The following CYP39A1 variants were observed in gnomAD, a reference collection of about 807,000 sequenced individuals.
CYP39A1 encodes the protein 24-hydroxycholesterol 7-alpha-hydroxylase.
CYP39A1 carries 49 observed loss-of-function variants against 58.1 expected under a neutral mutation model. That is an observed-to-expected ratio of 0.84 (90% CI 0.67 to 1.07). The LOEUF is 1.07. Ranked by LOEUF, CYP39A1 falls within the 50% of genes least tolerant of loss-of-function variation. The probability of loss-of-function intolerance (pLI) is 0.00; values close to 1 mark genes in which losing one functional copy is unlikely to be tolerated. For missense variants in CYP39A1, 531 were observed against 539.4 expected (o/e 0.98, Z 0.16); for synonymous variants, 209 against 187.6 (o/e 1.11, Z -0.93).
At chr6:46,635,202 G>T (rs1775906856) in intron 5 of CYP39A1, among the ~76,000 whole-genome samples, 1 of 152,212 alleles carries the variant, frequency 6.6e-6, no homozygotes, top group East Asian at 1.9e-4. Context: ...AATGTTTGAA[G>T]AGTTTTTTTA....
At chr6:46,634,014 T>G (rs1008381110) in intron 5 of CYP39A1, among the ~76,000 whole-genome samples, 2 of 152,252 alleles carry the variant, frequency 1.3e-5, no homozygotes, top group Non-Finnish European at 2.9e-5. Context: ...TTTTAAACAC[T>G]GGATTAGCTT....
chr6:46,638,217 A>G (rs1033432467), intron 3 of CYP39A1, among the ~76,000 whole-genome samples: 1 of 152,242 alleles, frequency 6.6e-6, no homozygotes, highest in African/African-American at 2.4e-5. Context: ...CTTTCTAAAC[A>G]AGCTTATTAG....
chr6:46,616,522 C>G (rs1774618978), intron 7 of CYP39A1, among the ~76,000 whole-genome samples: 2 of 151,930 alleles, frequency 1.3e-5, no homozygotes, highest in Admixed American at 1.3e-4. Context: ...CATGAGCCAT[C>G]ATGCCCACCC....
intron 7 of CYP39A1, among the ~76,000 whole-genome samples, chr6:46,622,415 G>A (rs1157174047): frequency 3.9e-5 from 6 of 151,914 alleles, no homozygotes; most frequent in African/African-American, 9.7e-5. Context: ...ATGACAACCT[G>A]AGAACGCACT....
chr6:46,580,622 T>C (rs1772080031), intron 10 of CYP39A1, among the ~76,000 whole-genome samples: 1 of 151,926 alleles, frequency 6.6e-6, no homozygotes, highest in South Asian at 2.1e-4. Context: ...AGGTCTAATA[T>C]CCAGAATCTG....
Position 46,553,639 on chromosome 6 carries a change from C to A in CYP39A1, c.1338+128G>T, listed in dbSNP as rs528138337. 14 of 682,864 alleles carry A rather than the reference C, an allele frequency of 2.1e-5. No individual in the cohort carries two copies. In the East Asian group the frequency reaches 3.8e-4, roughly 19 times the overall value. The allele number at this position is 682,864 out of a possible 1,614,324, so 42.3% of individuals were successfully genotyped here. A position where few individuals can be genotyped will look rare whatever the true frequency, so the allele number is the denominator to read the frequency against. On this transcript the variant is annotated intron_variant, in intron 11 of 11. Coordinates refer to ENST00000275016, the MANE Select transcript of CYP39A1 (RefSeq NM_016593.5). ...CTTCTCAGTCTGGTTCAATCTAAGG[C>A]ACCTGTTAAGATCAGGCCTAAGTGA...
At chr6:46,574,822 T>C (rs1324912047) in intron 10 of CYP39A1, among the ~76,000 whole-genome samples, 1 of 151,872 alleles carries the variant, frequency 6.6e-6, no homozygotes, top group African/African-American at 2.4e-5. Context: ...TTGGTCTAAG[T>C]ATCAAAAATC....
chr6:46,593,129 T>G (rs1425265520), intron 8 of CYP39A1, among the ~76,000 whole-genome samples: 4 of 152,294 alleles, frequency 2.6e-5, no homozygotes, highest in Non-Finnish European at 4.4e-5. Flanking sequence ...ATGACAGATT[T>G]ACACTATGCT....
intron 6 of CYP39A1, among the ~76,000 whole-genome samples, chr6:46,627,610 G>A (rs1281950576): frequency 7.9e-5 from 12 of 151,932 alleles, no homozygotes; most frequent in Admixed American, 7.9e-4. Flanking sequence ...AGTAGAGACA[G>A]GGTTTCACCG....
At chr6:46,554,068 A>ATATAAAGT (rs1307405766) in intron 10 of CYP39A1, among the ~76,000 whole-genome samples, 1 of 152,238 alleles carries the variant, frequency 6.6e-6, no homozygotes, top group Non-Finnish European at 1.5e-5. Flanking sequence ...TTTAAAATGT[A>ATATAAAGT]TATAAAGTGC....
chr6:46,579,918 C>T lies in CYP39A1; in HGVS notation c.1250+7159G>A, dbSNP rs574054954. Among the ~76,000 whole-genome samples, 109 of 152,098 alleles carry T rather than the reference C, an allele frequency of 7.2e-4. 1 individual carries two copies. In the South Asian group the frequency reaches 0.019, roughly 26 times the overall value. Reference sequence around the variant, plus strand: ...ATAGGAAGAATCAATATTGTTAAAACGGTCATACTGCACAAGGAATTTAAA... The same window carrying T: ...ATAGGAAGAATCAATATTGTTAAAATGGTCATACTGCACAAGGAATTTAAA... On this transcript the variant is annotated intron_variant, in intron 10 of 11. Coordinates refer to ENST00000275016, the MANE Select transcript of CYP39A1 (RefSeq NM_016593.5).
intron 10 of CYP39A1, 75 bp from the exon 11 acceptor site, chr6:46,553,929 A>G (rs1770540961): frequency 5.4e-6 from 5 of 934,306 alleles, no homozygotes; most frequent in African/African-American, 1.7e-5. Context: ...ATATCTAGAA[A>G]GCATACATAT....
intron 10 of CYP39A1, among the ~76,000 whole-genome samples, chr6:46,559,021 G>C (rs1308936166): frequency 1.3e-5 from 2 of 151,298 alleles, no homozygotes; most frequent in Non-Finnish European, 2.9e-5. Context: ...AAAAGGTGAT[G>C]GTCTTTGGGA....
intron 7 of CYP39A1, among the ~76,000 whole-genome samples, chr6:46,610,417 C>G (rs1436305289): frequency 6.6e-6 from 1 of 152,188 alleles, no homozygotes; most frequent in African/African-American, 2.4e-5. Context: ...TCATAAATCA[C>G]TGCAGCCTCG....
chr6:46,594,667 A>T (rs1341887993), intron 8 of CYP39A1, among the ~76,000 whole-genome samples: 1 of 152,042 alleles, frequency 6.6e-6, no homozygotes, highest in African/African-American at 2.4e-5. Flanking sequence ...ACTGTAATAG[A>T]TTAAAGACTT....
At chr6:46,619,920 G>A (rs1005178610) in intron 7 of CYP39A1, among the ~76,000 whole-genome samples, 60 of 152,060 alleles carry the variant, frequency 3.9e-4, no homozygotes, top group Admixed American at 2.3e-3. Context: ...AAGCCTGGGA[G>A]GTTTTCCAAA....
chr6:46,589,472 T>A (rs1163207822), intron 8 of CYP39A1, among the ~76,000 whole-genome samples: 1 of 151,818 alleles, frequency 6.6e-6, no homozygotes, highest in African/African-American at 2.4e-5. Flanking sequence ...TAAAAATATG[T>A]CTTTTACTGG....
intron 10 of CYP39A1, among the ~76,000 whole-genome samples, chr6:46,554,292 T>C (rs1167813017): frequency 1.3e-5 from 2 of 152,242 alleles, no homozygotes; most frequent in African/African-American, 4.8e-5. Context: ...TACAGGCTAC[T>C]ATACTGGACA....
rs567521330 is a variant in CYP39A1, at chr6:46,622,519, A to G, written c.931+2899T>C. Among the ~76,000 whole-genome samples the G allele has an allele frequency of 2.0e-5, 3 of 149,724 alleles. No homozygotes were observed. The East Asian group carries it at 5.8e-4, about 29-fold the overall frequency. On this transcript the variant is annotated intron_variant, in intron 7 of 11. Transcript: ENST00000275016. ...TCCTAGCTACTCAGGAGGCTGTGGC[A>G]GGAGGATCACTTGAGCCCAGGAGCT...
Sources: gnomAD v4.1 joint callset for allele counts (sites outside exome capture counted in the v4.1 genomes callset) on GRCh38, gnomAD v4.1.1 for gene constraint, MANE v1.5 for transcripts, NCBI Gene and HGNC (gene_info 2026-07-23, HGNC 2026-07-21) for gene names.